Variants in GLT1D1 observed in about 807,000 individuals in gnomAD.
The protein encoded by GLT1D1 is glycosyltransferase 1 domain containing 1.
GLT1D1 carries 21 observed loss-of-function variants against 28.7 expected under a neutral mutation model. That is an observed-to-expected ratio of 0.73 (90% CI 0.52 to 1.05). The LOEUF (loss-of-function observed/expected upper bound fraction) is 1.05, where lower values mean the gene tolerates loss of function less well. GLT1D1 is among the 50% of genes least tolerant of loss of function. The pLI is 0.00. For missense variants in GLT1D1, 343 were observed against 330.6 expected, an observed-to-expected ratio of 1.04 and a Z score of -0.29; for synonymous variants, 147 against 124.8, an observed-to-expected ratio of 1.18 and a Z score of -1.19.
chr12:128,872,992 C>T (rs943782671), intron 1 of GLT1D1, among the ~76,000 whole-genome samples: 3 of 152,080 alleles, frequency 2.0e-5, no homozygotes, highest in African/African-American at 2.4e-5. Context: ...AATTCCTGGA[C>T]TCATCGATCC....
chr12:128,978,501 C>G (rs1370835948), intron 7 of GLT1D1, among the ~76,000 whole-genome samples: 2 of 152,138 alleles, frequency 1.3e-5, no homozygotes, highest in Non-Finnish European at 2.9e-5. Flanking sequence ...ACCTGGGTGG[C>G]CTCAGAGGCT....
At position 128,889,534 on chromosome 12, in the gene GLT1D1, T is replaced by A. The variant is rs147270222; in HGVS notation, c.323+790T>A. 9.2e-3 allele frequency among the ~76,000 whole-genome samples: 1,400 copies of A among 152,274 alleles called. 22 individuals carry two copies. The highest frequency in any genetic ancestry group is 0.028 in the African/African-American group (1,168 of 41,560). ...GGTACCACAACTACCTTAGTATGTC[T>A]CCCTATAATTCTAATGCCCCCAGGG... On this transcript the variant is annotated intron_variant, in intron 3 of 7. Coordinates refer to ENST00000281703, the MANE Select transcript of GLT1D1 (RefSeq NM_144669.3).
At chr12:128,967,219 C>T (rs1294311501) in intron 7 of GLT1D1, among the ~76,000 whole-genome samples, 10 of 152,200 alleles carry the variant, frequency 6.6e-5, no homozygotes, top group African/African-American at 2.4e-4. Context: ...GGGCTCTGGC[C>T]ATAGTGTTCT....
chr12:128,934,943 C>G (rs999480831), intron 4 of GLT1D1, among the ~76,000 whole-genome samples: 2 of 151,708 alleles, frequency 1.3e-5, no homozygotes, highest in African/African-American at 4.8e-5. Context: ...AAGTCTCTGT[C>G]ATTCTCTTCA....
intron 7 of GLT1D1, among the ~76,000 whole-genome samples, chr12:128,974,693 C>G (rs1392938805): frequency 6.6e-6 from 1 of 152,196 alleles, no homozygotes; most frequent in African/African-American, 2.4e-5. Flanking sequence ...AAACACTGAT[C>G]TGTTGTTGAT....
intron 7 of GLT1D1, among the ~76,000 whole-genome samples, chr12:128,967,078 G>A (rs998080558): frequency 6.6e-6 from 1 of 152,108 alleles, no homozygotes; most frequent in African/African-American, 2.4e-5. Flanking sequence ...ACTGTCCCAG[G>A]GTCAGACTTT....
intron 7 of GLT1D1, among the ~76,000 whole-genome samples, chr12:128,964,135 A>G (rs1434923746): frequency 1.3e-5 from 2 of 152,138 alleles, no homozygotes; most frequent in Non-Finnish European, 2.9e-5. Context: ...TCATGCCTGT[A>G]ATCCCAGCAC....
chr12:128,919,593 A>G (rs1041354528), intron 4 of GLT1D1, among the ~76,000 whole-genome samples: 2 of 152,256 alleles, frequency 1.3e-5, no homozygotes, highest in Non-Finnish European at 2.9e-5. Context: ...ACATACAAAC[A>G]GGTCAACTAA....
intron 4 of GLT1D1, among the ~76,000 whole-genome samples, chr12:128,915,276 C>T (rs1369234105): frequency 6.6e-6 from 1 of 152,098 alleles, no homozygotes; most frequent in Non-Finnish European, 1.5e-5. Flanking sequence ...GAATAACAAC[C>T]TCATGTGTTC....
intron 4 of GLT1D1, among the ~76,000 whole-genome samples, chr12:128,935,455 C>T (rs567789298): frequency 6.0e-5 from 9 of 151,070 alleles, no homozygotes; most frequent in Non-Finnish European, 1.0e-4. Flanking sequence ...GCAAGGAAAT[C>T]GCTTGAACCC....
chr12:128,901,864 C>T (rs750455815), intron 4 of GLT1D1, among the ~76,000 whole-genome samples: 13 of 150,960 alleles, frequency 8.6e-5, no homozygotes, highest in Non-Finnish European at 1.6e-4. Flanking sequence ...CCTCCCACCT[C>T]GGCCTCCCAA....
At chr12:128,945,265 G>A in intron 4 of GLT1D1, 61 bp from the exon 9 acceptor site, 2 of 1,562,796 alleles carry the variant, frequency 1.3e-6, no homozygotes, top group South Asian at 1.1e-5. Context: ...GCCCGTGCTG[G>A]CCGGCTGGCA....
At chr12:128,955,374 G>A (rs879156946) in intron 6 of GLT1D1, among the ~76,000 whole-genome samples, 1 of 152,036 alleles carries the variant, frequency 6.6e-6, no homozygotes, top group Admixed American at 6.5e-5. Flanking sequence ...GTTGATCAAG[G>A]CACTGCTAAT....
At chr12:128,865,207 C>T (rs1204972930) in intron 1 of GLT1D1, among the ~76,000 whole-genome samples, 1 of 152,190 alleles carries the variant, frequency 6.6e-6, no homozygotes, top group Non-Finnish European at 1.5e-5. Flanking sequence ...CCTGTGAACT[C>T]CCAAAGCCCA....
intron 6 of GLT1D1, among the ~76,000 whole-genome samples, chr12:128,956,171 A>AAAAAAAAAAAAAAAGAGAG (rs374597920): frequency 1.6e-5 from 1 of 63,940 alleles, no homozygotes; most frequent in African/African-American, 4.5e-5. Flanking sequence ...AAAAAAAAAA[A>AAAAAAAAAAAAAAAGAGAG]AGAGAAAGAG....
chr12:128,898,088 G>A (rs1869854396), intron 3 of GLT1D1, among the ~76,000 whole-genome samples: 1 of 151,720 alleles, frequency 6.6e-6, no homozygotes, highest in Non-Finnish European at 1.5e-5. Flanking sequence ...AATATGTTTT[G>A]ATATCTGTTA....
At chr12:128,977,765 CTTTTTTCTTTTTTCTTTT>C (rs1565928617) in intron 7 of GLT1D1, among the ~76,000 whole-genome samples, 4 of 141,392 alleles carry the variant, frequency 2.8e-5, no homozygotes, top group African/African-American at 2.6e-5. Flanking sequence ...GAGTTCTTTT[CTTTTTTCTTTTTTCTTTT>C]TTTTTTTTTT....
intron 1 of GLT1D1, among the ~76,000 whole-genome samples, chr12:128,855,770 T>TTTTTTTA (rs71072413): frequency 8.9e-6 from 1 of 112,404 alleles, no homozygotes; most frequent in Non-Finnish European, 1.9e-5. Flanking sequence ...TTTTTTTTTT[T>TTTTTTTA]GAGACAAAGC....
At chr12:128,977,770 TTCTTTTTTC>T in intron 7 of GLT1D1, among the ~76,000 whole-genome samples, 2 of 23,104 alleles carry the variant, frequency 8.7e-5, no homozygotes, top group African/African-American at 1.5e-4. Flanking sequence ...CTTTTCTTTT[TTCTTTTTTC>T]TTTTTTTTTT....
Sources: allele counts gnomAD v4.1 joint callset (sites outside exome capture counted in the v4.1 genomes callset), GRCh38; gene constraint gnomAD v4.1.1; transcripts MANE v1.5; gene names NCBI Gene and HGNC (gene_info 2026-07-23, HGNC 2026-07-21).